The following KIAA0753 variants were observed in gnomAD, a reference collection of about 807,000 sequenced individuals.
The protein encoded by KIAA0753 is KIAA0753, also known as protein moonraker.
Under a neutral mutation model 116.9 loss-of-function variants are expected in KIAA0753, and 114 were observed. The observed-to-expected ratio is 0.98, with a 90% confidence interval of 0.84 to 1.14. The LOEUF (loss-of-function observed/expected upper bound fraction) is 1.14, where lower values mean the gene tolerates loss of function less well. KIAA0753 is among the 50% of genes most tolerant of loss of function. The pLI is 0.00. For missense variants in KIAA0753, 1,156 were observed against 1,172.4 expected (o/e 0.99, Z 0.20); for synonymous variants, 405 against 413.1 (o/e 0.98, Z 0.24).
At chr17:6,600,573 G>A (rs555255801) in intron 12 of KIAA0753, 115 bp from the exon 13 acceptor site, 16 of 709,012 alleles carry the variant, frequency 2.3e-5, no homozygotes, top group East Asian at 1.1e-4. Context: ...TTCTCTAACC[G>A]TTCATGGCCA....
intron 12 of KIAA0753, among the ~76,000 whole-genome samples, chr17:6,601,420 C>T (rs925776871): frequency 3.3e-5 from 5 of 152,108 alleles, no homozygotes; most frequent in Non-Finnish European, 7.3e-5. Flanking sequence ...GACTCACAGC[C>T]CTCTTCCCCA....
intron 5 of KIAA0753, among the ~76,000 whole-genome samples, 173 bp downstream of exon 5, chr17:6,623,336 T>C (rs1971452639): frequency 6.6e-6 from 1 of 152,224 alleles, no homozygotes; most frequent in Non-Finnish European, 1.5e-5. Context: ...TTTTAGAACC[T>C]GTTCCTTAGA....
chr17:6,610,118 T>G lies in KIAA0753; in HGVS notation c.1588A>C (p.Ser530Arg). 6.2e-7 allele frequency: 1 copy of G among 1,614,178 alleles called. No individual in the cohort carries two copies. Among genetic ancestry groups the G allele is most frequent in the Non-Finnish European group, 8.5e-7 (1 of 1,180,016 alleles). ...AERGRQSQPHSKSRVQQTTVS... is the reference protein window; with the variant it reads ...AERGRQSQPHRKSRVQQTTVS... ...GTTGTCTGCTGCACTCTGCTTTTACTGTGAGGTTGGCTTTGTCTACCTCTT... is the reference window on the plus strand; with the variant it reads ...GTTGTCTGCTGCACTCTGCTTTTACGGTGAGGTTGGCTTTGTCTACCTCTT... The change falls in exon 9 of 19, where the codon AGT becomes CGT. Residue 530 changes from serine to arginine, a missense_variant. Ser to Arg is a moderately radical substitution (Grantham distance 110). Coordinates refer to ENST00000361413, the MANE Select transcript of KIAA0753 (RefSeq NM_014804.3).
chr17:6,620,826 T>C lies in KIAA0753; in HGVS notation c.1277A>G (p.Glu426Gly). 1 of 1,614,214 alleles carries C rather than the reference T, an allele frequency of 6.2e-7. No individual in the cohort carries two copies. Among genetic ancestry groups the C allele is most frequent in the Non-Finnish European group, 8.5e-7 (1 of 1,180,018 alleles). The change falls in exon 7 of 19, where the codon GAA (glutamate) becomes GGA (glycine). Residue 426 changes from glutamate to glycine, a missense_variant. Transcript: ENST00000361413. ...CTTTGCTACAGAAGGTCGACTTGTT[T>C]CCTGTGGGAATGTGTCCTTTGCTGT... is the stretch of plus-strand genomic sequence containing the variant. ...PLTAKDTFPQ[E>G]TSRPSVAKQL...
intron 18 of KIAA0753, among the ~76,000 whole-genome samples, chr17:6,582,980 A>G (rs2150723063): frequency 6.6e-6 from 1 of 152,304 alleles, no homozygotes; most frequent in South Asian, 2.1e-4. Context: ...TCATACAGCC[A>G]ATATTCACTT....
chr17:6,612,860 C>T (rs1386558323), intron 7 of KIAA0753, among the ~76,000 whole-genome samples: 1 of 152,080 alleles, frequency 6.6e-6, no homozygotes, highest in East Asian at 1.9e-4. Flanking sequence ...AAGAGCGAGG[C>T]TTCATCTCAA....
Position 6,579,185 on chromosome 17 carries a change from C to CTGTT in KIAA0753, c.*558_*561dup, listed in dbSNP as rs1349439384. ...TTGTGCACTGACAGCCAGGGGGCTC[C>CTGTT]TGTTTGGAATAAACTGCAGCAGAGG... On this transcript the variant is annotated 3_prime_UTR_variant, in exon 19 of 19. Transcript: ENST00000361413. 1.3e-5 allele frequency: 2 copies of CTGTT among 152,342 alleles called. No homozygotes were observed. Among genetic ancestry groups the CTGTT allele is most frequent in the African/African-American group, 4.8e-5 (2 of 41,464 alleles). 9.4% of individuals were successfully genotyped at this position (152,342 alleles called of 1,614,324 possible). A position where few individuals can be genotyped will look rare whatever the true frequency, so the allele number is the denominator to read the frequency against.
chr17:6,611,263 G>A (rs1291751234), intron 8 of KIAA0753, among the ~76,000 whole-genome samples: 1 of 152,094 alleles, frequency 6.6e-6, no homozygotes, highest in Non-Finnish European at 1.5e-5. Context: ...TTAATATGCA[G>A]TAATTATTAT....
Position 6,608,484 on chromosome 17 carries a change from A to G in KIAA0753, c.1713-20T>C. The stretch of plus-strand genomic sequence containing the variant: ...GCAGCACTGAAATAAATGGAAAAGC[A>G]TACCTTTGTCATCATTCACTCCGTA... On this transcript the variant is annotated intron_variant, in intron 9 of 18. Coordinates refer to ENST00000361413, the MANE Select transcript of KIAA0753 (RefSeq NM_014804.3). 2.9e-6 allele frequency: 4 copies of G among 1,392,178 alleles called. No homozygotes were observed. The highest frequency in any genetic ancestry group is 2.9e-6 in the Non-Finnish European group (3 of 1,022,094). The allele number at this position is 1,392,178 out of a possible 1,614,324, so 86.2% of individuals were successfully genotyped here. A position where few individuals can be genotyped will look rare whatever the true frequency, so the allele number is the denominator to read the frequency against.
chr17:6,625,374 A>G (rs1971598218), intron 3 of KIAA0753, among the ~76,000 whole-genome samples: 1 of 152,226 alleles, frequency 6.6e-6, no homozygotes, highest in African/African-American at 2.4e-5. Flanking sequence ...TGAATTCAAA[A>G]GAGAAATCCT....
chr17:6,600,586 T>C (rs1051568869), intron 12 of KIAA0753, 128 bp from the exon 13 acceptor site: 6 of 653,460 alleles, frequency 9.2e-6, no homozygotes, highest in Admixed American at 7.9e-5. Flanking sequence ...CATGGCCATA[T>C]CAATCTCCTG....
chr17:6,636,647 G>A (rs1597616523), intron 1 of KIAA0753: 1 of 152,156 alleles, frequency 6.6e-6, no homozygotes, highest in Admixed American at 6.6e-5. Flanking sequence ...ACATACCCTG[G>A]GGCATCTCCA....
chr17:6,635,891 T>TA (rs1438541519), intron 1 of KIAA0753: 2 of 152,246 alleles, frequency 1.3e-5, no homozygotes, highest in African/African-American at 4.8e-5. Context: ...CTCATACTGT[T>TA]ATTTACCTAT....
chr17:6,626,200 C>T (rs576378213), intron 3 of KIAA0753, among the ~76,000 whole-genome samples: 1 of 152,196 alleles, frequency 6.6e-6, no homozygotes, highest in Non-Finnish European at 1.5e-5. Context: ...TCTATCTATT[C>T]CTTCCAGGCT....
At chr17:6,615,908 C>G (rs953716538) in intron 7 of KIAA0753, among the ~76,000 whole-genome samples, 1 of 152,118 alleles carries the variant, frequency 6.6e-6, no homozygotes, top group Admixed American at 6.5e-5. Context: ...CACAAGACAG[C>G]TGATCAAATC....
intron 16 of KIAA0753, among the ~76,000 whole-genome samples, chr17:6,592,566 T>C (rs1969151838): frequency 6.6e-6 from 1 of 151,818 alleles, no homozygotes; most frequent in African/African-American, 2.4e-5. Flanking sequence ...GAGGAGAAAA[T>C]CAAAAGTCTT....
chr17:6,635,196 G>T, intron 1 of KIAA0753, 25 bp from the exon 2 acceptor site: 2 of 897,616 alleles, frequency 2.2e-6, no homozygotes, highest in Non-Finnish European at 3.7e-6. Context: ...AGCTACTTCA[G>T]ACCAACAGCG....
At position 6,600,580 on chromosome 17, in the gene KIAA0753, G is replaced by T. The variant is rs111451823; in HGVS notation, c.2010-122C>A. The T allele has an allele frequency of 2.9e-3, 1,982 of 680,056 alleles. 12 individuals carry two copies. The highest frequency in any genetic ancestry group is 4.3e-3 in the Non-Finnish European group (1,708 of 400,174). 42.1% of individuals were successfully genotyped at this position (680,056 alleles called of 1,614,324 possible). A position where few individuals can be genotyped will look rare whatever the true frequency, so the allele number is the denominator to read the frequency against. ...CCACGAGCTTCTCTAACCGTTCATG[G>T]CCATATCAATCTCCTGGGGATCTTG... On this transcript the variant is annotated intron_variant, in intron 12 of 18. Transcript: ENST00000361413.
rs139880428 is a variant in KIAA0753, at chr17:6,591,012, A to AGAAGGAAGAAGGAAGAAG, written c.2441-383_2441-382insCTTCTTCCTTCTTCCTTC. On this transcript the variant is annotated intron_variant, in intron 16 of 18. Transcript: ENST00000361413. ...AAGAAAGAAGAAGGAAGAAGAAGGA[A>AGAAGGAAGAAGGAAGAAG]GAAGAAGGAAGAAGGAAGAAGGAAG... 9.4e-5 allele frequency among the ~76,000 whole-genome samples: 8 copies of AGAAGGAAGAAGGAAGAAG among 84,680 alleles called. 1 individual carries two copies. Among genetic ancestry groups the AGAAGGAAGAAGGAAGAAG allele is most frequent in the East Asian group, 7.3e-4 (2 of 2,730 alleles). 55.6% of individuals were successfully genotyped at this position (84,680 alleles called of 152,430 possible).
Sources: gnomAD v4.1 joint callset for allele counts (sites outside exome capture counted in the v4.1 genomes callset) on GRCh38, gnomAD v4.1.1 for gene constraint, MANE v1.5 for transcripts, NCBI Gene and HGNC (gene_info 2026-07-23, HGNC 2026-07-21) for gene names.